Variants in KCNB2 observed in about 807,000 individuals in gnomAD.
KCNB2 encodes the protein delayed rectifier potassium channel protein.
A neutral mutation model predicts 61.5 loss-of-function variants in KCNB2; 15 were observed. The ratio of observed to expected loss-of-function variants is 0.24; its 90% confidence interval spans 0.16 to 0.38. The LOEUF is 0.38. Among genes scored for constraint, KCNB2 ranks in the 10% least tolerant of loss-of-function variants. The pLI, the probability that KCNB2 is intolerant of heterozygous loss-of-function variation, is 1.00. For missense variants in KCNB2, 828 were observed against 1,125.2 expected, an observed-to-expected ratio of 0.74 and a Z score of 3.78; for synonymous variants, 457 against 446.0, an observed-to-expected ratio of 1.02 and a Z score of -0.31.
At chr8:72,858,406 T>G (rs1466296569) in intron 2 of KCNB2, among the ~76,000 whole-genome samples, 1 of 152,112 alleles carries the variant, frequency 6.6e-6, no homozygotes, top group Non-Finnish European at 1.5e-5. Context: ...AAAAAAAAGA[T>G]GTGTGGTTTT....
intron 1 of KCNB2, among the ~76,000 whole-genome samples, chr8:72,546,253 C>T (rs1165322773): frequency 1.3e-5 from 2 of 152,120 alleles, no homozygotes; most frequent in African/African-American, 4.8e-5. Context: ...CAGTGGCTCA[C>T]GCCTGTAATC....
At chr8:72,641,986 G>T (rs1806063324) in intron 2 of KCNB2, among the ~76,000 whole-genome samples, 2 of 152,100 alleles carry the variant, frequency 1.3e-5, no homozygotes, top group African/African-American at 4.8e-5. Flanking sequence ...TATTAAACAT[G>T]TCCTCTGAAC....
At chr8:72,540,557 C>T (rs924763637) in intron 1 of KCNB2, among the ~76,000 whole-genome samples, 1 of 151,876 alleles carries the variant, frequency 6.6e-6, no homozygotes, top group African/African-American at 2.4e-5. Context: ...TTGTTACTCC[C>T]CAAGTGATAG....
chr8:72,789,989 G>C (rs1224794533), intron 2 of KCNB2, among the ~76,000 whole-genome samples: 2 of 152,120 alleles, frequency 1.3e-5, no homozygotes, highest in Non-Finnish European at 2.9e-5. Flanking sequence ...TGACTCCCAG[G>C]TTCCTAGTTC....
chr8:72,928,664 C>T (rs1160735421), intron 2 of KCNB2, among the ~76,000 whole-genome samples: 1 of 141,512 alleles, frequency 7.1e-6, no homozygotes, highest in Non-Finnish European at 1.5e-5. Flanking sequence ...CTTTCAATTA[C>T]ATGGAACACA....
chr8:72,630,526 G>A (rs747842732), intron 2 of KCNB2, among the ~76,000 whole-genome samples: 2 of 152,144 alleles, frequency 1.3e-5, no homozygotes, highest in Non-Finnish European at 2.9e-5. Flanking sequence ...AAACTGAGCA[G>A]CTTAAACAGC....
chr8:72,722,777 C>T (rs1807572965), intron 2 of KCNB2, among the ~76,000 whole-genome samples: 1 of 134,052 alleles, frequency 7.5e-6, no homozygotes, highest in Non-Finnish European at 1.7e-5. Context: ...GCCTAGAAAT[C>T]TATTGACAAA....
chr8:72,673,957 A>G (rs1380764825), intron 2 of KCNB2, among the ~76,000 whole-genome samples: 1 of 152,214 alleles, frequency 6.6e-6, no homozygotes, highest in Non-Finnish European at 1.5e-5. Context: ...TATGTTAGGT[A>G]TATTTTACCG....
chr8:72,743,850 G>GAAGCGAGACTCCGTCTCAAAAAAAAAAA (rs1563577294), intron 2 of KCNB2, among the ~76,000 whole-genome samples: 2 of 152,118 alleles, frequency 1.3e-5, no homozygotes, highest in African/African-American at 4.8e-5. Context: ...TTTGCCCTTA[G>GAAGCGAGACTCCGTCTCAAAAAAAAAAA]AAAAATATGA....
intron 2 of KCNB2, among the ~76,000 whole-genome samples, chr8:72,868,070 T>A (rs1271532935): frequency 6.8e-6 from 1 of 147,632 alleles, no homozygotes; most frequent in East Asian, 2.0e-4. Context: ...TTTTTTTTAT[T>A]ATTTATTTTT....
At chr8:72,848,772 A>G (rs1810042998) in intron 2 of KCNB2, among the ~76,000 whole-genome samples, 1 of 152,130 alleles carries the variant, frequency 6.6e-6, no homozygotes, top group Admixed American at 6.5e-5. Context: ...TCATTCATCC[A>G]TCTATTTATT....
chr8:72,862,445 A>G (rs1322382223), intron 2 of KCNB2, among the ~76,000 whole-genome samples: 1 of 152,096 alleles, frequency 6.6e-6, no homozygotes. Context: ...ATTTTTTTTT[A>G]CACAAAACCT....
chr8:72,833,943 C>A (rs1272249916), intron 2 of KCNB2, among the ~76,000 whole-genome samples: 4 of 152,182 alleles, frequency 2.6e-5, no homozygotes, highest in African/African-American at 4.8e-5. Context: ...CATTTTCTTA[C>A]ATCAGCAAAT....
intron 1 of KCNB2, among the ~76,000 whole-genome samples, chr8:72,557,861 A>C (rs927191465): frequency 6.6e-6 from 1 of 152,180 alleles, no homozygotes; most frequent in Non-Finnish European, 1.5e-5. Flanking sequence ...GTTGTTCTCT[A>C]CCTAGTTCCA....
chr8:72,708,866 T>C (rs1384187396), intron 2 of KCNB2, among the ~76,000 whole-genome samples: 1 of 152,210 alleles, frequency 6.6e-6, no homozygotes, highest in Non-Finnish European at 1.5e-5. Flanking sequence ...GGCATAAGGT[T>C]ATTCTTATTC....
At chr8:72,682,484 T>TA (rs931445587) in intron 2 of KCNB2, among the ~76,000 whole-genome samples, 48 of 151,682 alleles carry the variant, frequency 3.2e-4, no homozygotes, top group African/African-American at 1.1e-3. Context: ...TCCCAGGAAG[T>TA]AAAAAATCCC....
At chr8:72,695,705 T>G (rs1807007861) in intron 2 of KCNB2, among the ~76,000 whole-genome samples, 1 of 152,136 alleles carries the variant, frequency 6.6e-6, no homozygotes, top group South Asian at 2.1e-4. Context: ...TTTTCTGGCA[T>G]GATTTTTCTA....
intron 2 of KCNB2, among the ~76,000 whole-genome samples, chr8:72,592,629 A>C (rs773609418): frequency 3.3e-5 from 5 of 152,126 alleles, no homozygotes; most frequent in Non-Finnish European, 5.9e-5. Flanking sequence ...CTGGAAACAC[A>C]CTTCAAGAGT....
chr8:72,861,030 T>C (rs1490152517), intron 2 of KCNB2, among the ~76,000 whole-genome samples: 1 of 152,216 alleles, frequency 6.6e-6, no homozygotes, highest in Non-Finnish European at 1.5e-5. Context: ...CTAACTGAAT[T>C]ATCTGGCTTA....
Sources: gnomAD v4.1 joint callset for allele counts (sites outside exome capture counted in the v4.1 genomes callset) on GRCh38, gnomAD v4.1.1 for gene constraint, MANE v1.5 for transcripts, NCBI Gene and HGNC (gene_info 2026-07-23, HGNC 2026-07-21) for gene names.